The following RSRC1 variants were observed in gnomAD, a reference collection of about 807,000 sequenced individuals.
RSRC1 encodes the protein arginine and serine rich coiled-coil 1.
Under a neutral mutation model 49.1 loss-of-function variants are expected in RSRC1, and 39 were observed. The observed-to-expected ratio is 0.79, with a 90% CI of 0.61 to 1.04. The LOEUF is 1.04. Ranked by LOEUF, RSRC1 falls within the 50% of genes least tolerant of loss-of-function variation. RSRC1 has a pLI of 0.00. For synonymous variants in RSRC1, 143 were observed against 130.8 expected (o/e 1.09, Z -0.63); for missense variants, 388 against 402.4 (o/e 0.96, Z 0.31).
intron 6 of RSRC1, among the ~76,000 whole-genome samples, chr3:158,407,711 T>G (rs1052852486): frequency 2.0e-5 from 3 of 152,170 alleles, no homozygotes; most frequent in African/African-American, 7.2e-5. Context: ...ATAATAGTTC[T>G]TTTTAAAAAA....
chr3:158,364,675 A>G (rs1463397387), intron 6 of RSRC1, among the ~76,000 whole-genome samples: 2 of 152,038 alleles, frequency 1.3e-5, no homozygotes, highest in African/African-American at 4.8e-5. Context: ...AGCAGTAAGT[A>G]TGAAAGACAA....
chr3:158,319,045 A>G (rs925202080), intron 5 of RSRC1, among the ~76,000 whole-genome samples: 4 of 152,158 alleles, frequency 2.6e-5, no homozygotes, highest in South Asian at 2.1e-4. Context: ...CGACATATCT[A>G]CTTTAACTTA....
At chr3:158,262,019 G>A (rs940166308) in intron 4 of RSRC1, among the ~76,000 whole-genome samples, 11 of 152,124 alleles carry the variant, frequency 7.2e-5, no homozygotes, top group Admixed American at 2.6e-4. Context: ...TGGAAAAATC[G>A]TCTTTCATGA....
intron 6 of RSRC1, among the ~76,000 whole-genome samples, chr3:158,422,456 T>C (rs1176179590): frequency 6.6e-6 from 1 of 151,604 alleles, no homozygotes; most frequent in African/African-American, 2.4e-5. Context: ...GTGCCACATT[T>C]TCTTAATCCA....
At chr3:158,271,715 T>C (rs1725527813) in intron 4 of RSRC1, among the ~76,000 whole-genome samples, 1 of 152,138 alleles carries the variant, frequency 6.6e-6, no homozygotes, top group South Asian at 2.1e-4. Flanking sequence ...ATTATAAAGA[T>C]AACATCTAGC....
intron 7 of RSRC1, among the ~76,000 whole-genome samples, chr3:158,479,916 T>C (rs1161527257): frequency 6.6e-6 from 1 of 152,056 alleles, no homozygotes; most frequent in Non-Finnish European, 1.5e-5. Context: ...TTTTAAAAAG[T>C]ACAGATTTTG....
intron 1 of RSRC1, among the ~76,000 whole-genome samples, chr3:158,121,022 C>T (rs947321339): frequency 2.0e-5 from 3 of 151,406 alleles, no homozygotes; most frequent in Non-Finnish European, 4.4e-5. Flanking sequence ...ACTAAATGTC[C>T]GTGTTACCAT....
At chr3:158,312,496 A>T (rs1038809309) in intron 5 of RSRC1, among the ~76,000 whole-genome samples, 1 of 152,246 alleles carries the variant, frequency 6.6e-6, no homozygotes, top group Admixed American at 6.5e-5. Flanking sequence ...TGCCAAATAA[A>T]TATATAACAA....
intron 4 of RSRC1, among the ~76,000 whole-genome samples, chr3:158,267,463 C>G (rs1725254282): frequency 6.6e-6 from 1 of 151,936 alleles, no homozygotes; most frequent in South Asian, 2.1e-4. Flanking sequence ...TTCTTTTTCT[C>G]TTGGTGGACC....
intron 5 of RSRC1, among the ~76,000 whole-genome samples, chr3:158,350,609 C>T (rs1730819047): frequency 1.3e-5 from 2 of 152,130 alleles, no homozygotes; most frequent in Admixed American, 6.6e-5. Context: ...GGTCTTCTAT[C>T]TGTAGAAATA....
intron 7 of RSRC1, among the ~76,000 whole-genome samples, chr3:158,483,401 G>A (rs1358644925): frequency 6.6e-6 from 1 of 152,014 alleles, no homozygotes; most frequent in Non-Finnish European, 1.5e-5. Context: ...AACAGATCTG[G>A]TAATTCCCAT....
chr3:158,349,886 C>G (rs1191571046), intron 5 of RSRC1, among the ~76,000 whole-genome samples: 1 of 151,130 alleles, frequency 6.6e-6, no homozygotes, highest in East Asian at 2.0e-4. Context: ...TTAGTAAAGA[C>G]AGAGTTTCAC....
At chr3:158,538,596 C>T (rs1712854052) in intron 8 of RSRC1, among the ~76,000 whole-genome samples, 2 of 151,886 alleles carry the variant, frequency 1.3e-5, no homozygotes, top group Non-Finnish European at 2.9e-5. Context: ...AATGCTTATT[C>T]TTCCACAGTC....
chr3:158,113,780 G>C (rs1346634036), intron 1 of RSRC1, among the ~76,000 whole-genome samples: 2 of 152,062 alleles, frequency 1.3e-5, no homozygotes. Context: ...TCATATGTTT[G>C]TTGGCTGCAT....
chr3:158,525,671 G>A (rs570366986), intron 7 of RSRC1, among the ~76,000 whole-genome samples: 7 of 152,028 alleles, frequency 4.6e-5, no homozygotes, highest in African/African-American at 1.7e-4. Context: ...TCATCTGCAG[G>A]TGAATAGATT....
chr3:158,345,718 A>G (rs1241385496), intron 5 of RSRC1, among the ~76,000 whole-genome samples: 2 of 151,666 alleles, frequency 1.3e-5, no homozygotes, highest in Non-Finnish European at 2.9e-5. Context: ...ATTGACAAAT[A>G]GATCAATGGA....
chr3:158,228,040 C>A (rs1459369159), intron 4 of RSRC1, among the ~76,000 whole-genome samples: 3 of 151,864 alleles, frequency 2.0e-5, no homozygotes, highest in Non-Finnish European at 4.4e-5. Flanking sequence ...ATCATACTTC[C>A]CCAACATATG....
chr3:158,354,008 T>C (rs1375190350), intron 5 of RSRC1, among the ~76,000 whole-genome samples: 1 of 143,736 alleles, frequency 7.0e-6, no homozygotes, highest in Non-Finnish European at 1.5e-5. Context: ...TTTTTTTTTT[T>C]TTTTTTTTGA....
At chr3:158,192,964 A>T (rs1273139616) in intron 3 of RSRC1, among the ~76,000 whole-genome samples, 1 of 152,098 alleles carries the variant, frequency 6.6e-6, no homozygotes, top group Non-Finnish European at 1.5e-5. Flanking sequence ...TTCATTAGCT[A>T]TGGTATGAGG....
Sources: gnomAD v4.1 joint callset for allele counts (sites outside exome capture counted in the v4.1 genomes callset) on GRCh38, gnomAD v4.1.1 for gene constraint, MANE v1.5 for transcripts, NCBI Gene and HGNC (gene_info 2026-07-23, HGNC 2026-07-21) for gene names.